The following CHN1 variants were observed in gnomAD, a reference collection of about 807,000 sequenced individuals.
CHN1 encodes chimerin 1.
In CHN1, 37 loss-of-function variants were observed where a neutral mutation model predicts 59.5. The observed-to-expected ratio is 0.62, with a 90% CI of 0.48 to 0.82. CHN1 has a LOEUF of 0.82. Among genes scored for constraint, CHN1 ranks in the 40% least tolerant of loss-of-function variants. CHN1 has a pLI of 0.00. For missense variants in CHN1, 469 were observed against 571.0 expected (o/e 0.82, Z 1.82); for synonymous variants, 206 against 200.4 (o/e 1.03, Z -0.24).
At chr2:175,004,121 G>C (rs1302193206) in intron 1 of CHN1, among the ~76,000 whole-genome samples, 1 of 152,094 alleles carries the variant, frequency 6.6e-6, no homozygotes, top group Non-Finnish European at 1.5e-5. Context: ...CTTAAAGTCA[G>C]GTACGTATGT....
chr2:174,963,318 G>A (rs773568215), intron 1 of CHN1, among the ~76,000 whole-genome samples: 1 of 152,320 alleles, frequency 6.6e-6, no homozygotes, highest in Middle Eastern at 3.4e-3. Flanking sequence ...TAGGTCTATA[G>A]TAAGTATTTG....
chr2:174,950,559 A>G (rs1689993433), intron 2 of CHN1, among the ~76,000 whole-genome samples: 1 of 152,032 alleles, frequency 6.6e-6, no homozygotes, highest in South Asian at 2.1e-4. Flanking sequence ...ATTTTAAAAC[A>G]AATGATAGCT....
intron 7 of CHN1, among the ~76,000 whole-genome samples, chr2:174,838,250 C>T (rs1475041304): frequency 6.6e-6 from 1 of 152,190 alleles, no homozygotes; most frequent in Non-Finnish European, 1.5e-5. Context: ...TGCACCATCA[C>T]GCCCGGCTAA....
intron 6 of CHN1, among the ~76,000 whole-genome samples, chr2:174,870,774 A>C (rs1306086472): frequency 2.0e-5 from 3 of 152,254 alleles, no homozygotes; most frequent in South Asian, 4.1e-4. Context: ...CACCAAAATA[A>C]AGACTTTGAA....
In CHN1 at chr2:174,801,723, T is replaced by C. The variant is rs1233652351; in HGVS notation, c.1192A>G (p.Met398Val). The stretch of plus-strand genomic sequence containing the variant: ...ATAGCTTGCCTCTTTAGATGTGCCA[T>C]GAGGTACCGGAGGGTTTCGCAGTGA... ...PAHCETLRYLMAHLKRVTLHE... is the reference protein window; with the variant it reads ...PAHCETLRYLVAHLKRVTLHE... Residue 398 changes from methionine (M) to valine (V), a missense_variant, in exon 12 of 13, where the codon ATG becomes GTG. Around this residue, in one of 5 missense-constraint regions of CHN1, gnomAD observed 225 missense variants for 289.9 expected, o/e 0.78. Transcript: ENST00000409900. 3 of 1,613,092 alleles carry C rather than the reference T, an allele frequency of 1.9e-6. No individual in the cohort carries two copies. Among genetic ancestry groups the C allele is most frequent in the Non-Finnish European group, 2.5e-6 (3 of 1,179,180 alleles).
intron 3 of CHN1, among the ~76,000 whole-genome samples, chr2:174,935,515 T>C (rs1206187544): frequency 6.6e-6 from 1 of 152,202 alleles, no homozygotes; most frequent in Non-Finnish European, 1.5e-5. Context: ...CAACCTATAC[T>C]ACACACCAGT....
At chr2:174,882,983 T>C (rs1185247818) in intron 5 of CHN1, among the ~76,000 whole-genome samples, 6 of 152,366 alleles carry the variant, frequency 3.9e-5, no homozygotes, top group African/African-American at 1.4e-4. Context: ...TTGTCTATCT[T>C]GCTATACAAT....
chr2:174,918,341 C>G (rs1688910277), intron 4 of CHN1, among the ~76,000 whole-genome samples, 193 bp downstream of exon 4: 1 of 152,118 alleles, frequency 6.6e-6, no homozygotes, highest in Non-Finnish European at 1.5e-5. Context: ...TTTTCCCATG[C>G]TATTTTCTTA....
At chr2:174,956,086 C>T (rs1159313262) in intron 1 of CHN1, among the ~76,000 whole-genome samples, 1 of 151,976 alleles carries the variant, frequency 6.6e-6, no homozygotes, top group Admixed American at 6.6e-5. Flanking sequence ...TAGAGGAAAT[C>T]TTGGAAGAAG....
At chr2:174,981,357 A>G (rs1197958337) in intron 1 of CHN1, among the ~76,000 whole-genome samples, 1 of 152,218 alleles carries the variant, frequency 6.6e-6, no homozygotes, top group Non-Finnish European at 1.5e-5. Context: ...TGAGCACCCC[A>G]GAAGCTACTG....
chr2:174,904,079 A>G (rs55898929), intron 5 of CHN1, among the ~76,000 whole-genome samples: 4 of 151,504 alleles, frequency 2.6e-5, no homozygotes, highest in African/African-American at 9.7e-5. Context: ...CCTGACCAAC[A>G]TGGAGAAACC....
intron 6 of CHN1, among the ~76,000 whole-genome samples, chr2:174,849,397 A>G (rs1462710527): frequency 2.6e-5 from 4 of 152,202 alleles, no homozygotes; most frequent in African/African-American, 9.6e-5. Flanking sequence ...CTAGGGCAGT[A>G]AGGAGATAGA....
At chr2:174,876,874 C>A (rs1180842562) in intron 6 of CHN1, among the ~76,000 whole-genome samples, 1 of 152,108 alleles carries the variant, frequency 6.6e-6, no homozygotes, top group African/African-American at 2.4e-5. Flanking sequence ...AGCAATTTGA[C>A]CATTATTACA....
chr2:174,826,387 G>A lies in CHN1; in HGVS notation c.628-1869C>T, dbSNP rs745429773. ...TAGGCAGTGCTGATTCAGAAAGAGA[G>A]TTATATAATCATGAAACAGCAACAG... On this transcript the variant is annotated intron_variant, in intron 7 of 12. Transcript: ENST00000409900. Among the ~76,000 whole-genome samples, 48 of 152,174 alleles carry A rather than the reference G, an allele frequency of 3.2e-4. 1 individual carries two copies. Among genetic ancestry groups the A allele is most frequent in the Non-Finnish European group, 4.3e-4 (29 of 68,036 alleles).
chr2:174,800,528 T>C (rs1022314230), intron 12 of CHN1, among the ~76,000 whole-genome samples: 1 of 152,246 alleles, frequency 6.6e-6, no homozygotes, highest in Non-Finnish European at 1.5e-5. Flanking sequence ...CTGCACTGTA[T>C]GGATTCAGTT....
At chr2:174,979,880 A>AAAAACAAAAC (rs567540328) in intron 1 of CHN1, among the ~76,000 whole-genome samples, 12 of 152,044 alleles carry the variant, frequency 7.9e-5, no homozygotes, top group East Asian at 3.8e-4. Context: ...ACTCCATCTC[A>AAAAACAAAAC]AAAACAAAAC....
chr2:174,943,408 G>C (rs1258381646), intron 3 of CHN1, among the ~76,000 whole-genome samples: 4 of 151,986 alleles, frequency 2.6e-5, no homozygotes, highest in Non-Finnish European at 4.4e-5. Context: ...TGTATTTTTA[G>C]TAGAGACTGG....
At chr2:174,945,942 T>TATAA (rs1176610460) in intron 2 of CHN1, among the ~76,000 whole-genome samples, 8 of 151,532 alleles carry the variant, frequency 5.3e-5, no homozygotes, top group African/African-American at 1.5e-4. Context: ...TATATATATA[T>TATAA]AAATGTGTGT....
At chr2:174,988,336 A>G (rs1265081544) in intron 1 of CHN1, among the ~76,000 whole-genome samples, 3 of 151,044 alleles carry the variant, frequency 2.0e-5, no homozygotes, top group East Asian at 3.9e-4. Context: ...CAGCCTGGGC[A>G]ACAGAGTGAA....
Sources: allele counts gnomAD v4.1 joint callset (sites outside exome capture counted in the v4.1 genomes callset), GRCh38; gene constraint gnomAD v4.1.1; regional missense constraint gnomAD v4.1.1; transcripts MANE v1.5; gene names NCBI Gene and HGNC (gene_info 2026-07-23, HGNC 2026-07-21).